Variants in CEP57L1 observed in about 807,000 individuals in gnomAD.
CEP57L1 encodes centrosomal protein 57 like 1, also known as centrosomal protein CEP57L1.
In CEP57L1, 37 loss-of-function variants were observed where a neutral mutation model predicts 61.0. The observed-to-expected ratio is 0.61, with a 90% CI of 0.47 to 0.80. The LOEUF (loss-of-function observed/expected upper bound fraction) is 0.80. Ranked by LOEUF, CEP57L1 falls within the 30% of genes least tolerant of loss-of-function variation. The probability of loss-of-function intolerance (pLI) is 0.00; values close to 1 mark genes in which losing one functional copy is unlikely to be tolerated. For synonymous variants in CEP57L1, 137 were observed against 162.3 expected, an observed-to-expected ratio of 0.84 and a Z score of 1.19; for missense variants, 422 against 524.7, an observed-to-expected ratio of 0.80 and a Z score of 1.91.
intron 4 of CEP57L1, 21 bp downstream of exon 4, chr6:109,150,260 G>T: frequency 6.3e-7 from 1 of 1,583,348 alleles, no homozygotes; most frequent in Non-Finnish European, 8.6e-7. Context: ...TTTCTATAAG[G>T]AATGATAATA....
chr6:109,107,292 TTTTC>T (rs1285197619), intron 1 of CEP57L1, among the ~76,000 whole-genome samples: 1 of 152,162 alleles, frequency 6.6e-6, no homozygotes, highest in Non-Finnish European at 1.5e-5. Flanking sequence ...CATTTCCCCT[TTTTC>T]TTTTGAGCTT....
intron 10 of CEP57L1, among the ~76,000 whole-genome samples, chr6:109,162,547 C>G (rs1156763139): frequency 1.3e-5 from 2 of 151,934 alleles, no homozygotes; most frequent in Admixed American, 1.3e-4. Context: ...AAAGTAAGAG[C>G]TTTTTTCTCA....
chr6:109,095,520 G>T lies in CEP57L1; in HGVS notation c.-59G>T. 1 of 985,874 alleles carries T rather than the reference G, an allele frequency of 1.0e-6. No homozygotes were observed. Among genetic ancestry groups the T allele is most frequent in the Non-Finnish European group, 1.2e-6 (1 of 829,946 alleles). The allele number at this position is 985,874 out of a possible 1,614,324, so 61.1% of individuals were successfully genotyped here. On this transcript the variant is annotated 5_prime_UTR_variant, in exon 1 of 11. Transcript: ENST00000517392. ...AGGGGCCACCGCGACGTTGCCTGTG[G>T]GTGCCCGCGAACCAACGGTTAGCGG...
rs1444196130 is a variant in CEP57L1, at chr6:109,173,528, A to C, written c.*10558A>C. 6.7e-6 allele frequency among the ~76,000 whole-genome samples: 1 copy of C among 148,610 alleles called. No individual in the cohort carries two copies. The highest frequency in any genetic ancestry group is 1.5e-5 in the Non-Finnish European group (1 of 67,398). ...CAACCTCAAACTCTTGGGCTTAAGC[A>C]GTCCTCCTGCCTCTGCCTCCCAAGT... On this transcript the variant is annotated 3_prime_UTR_variant, in exon 11 of 11. Transcript: ENST00000517392.
At chr6:109,095,168 C>T (rs1338528178), upstream of CEP57L1, 4 of 985,518 alleles carry the variant, frequency 4.1e-6, no homozygotes, top group Non-Finnish European at 4.8e-6. Context: ...GGGCCAAGCG[C>T]CCCCGGAGGC....
chr6:109,140,655 C>G (rs1384010285), intron 1 of CEP57L1: 1 of 151,898 alleles, frequency 6.6e-6, no homozygotes, highest in African/African-American at 2.4e-5. Context: ...GCCTCAGCCC[C>G]TCAAAGTGCT....
intron 1 of CEP57L1, among the ~76,000 whole-genome samples, chr6:109,122,034 T>G (rs1452013813): frequency 6.6e-6 from 1 of 152,224 alleles, no homozygotes; most frequent in Non-Finnish European, 1.5e-5. Context: ...TTAAAAAATG[T>G]CTAAGATAAG....
intron 1 of CEP57L1, among the ~76,000 whole-genome samples, chr6:109,131,832 C>T (rs1174174730): frequency 5.9e-5 from 9 of 151,998 alleles, no homozygotes; most frequent in Non-Finnish European, 1.0e-4. Context: ...CCTTATGGCT[C>T]AGAACCTGGG....
In CEP57L1 at chr6:109,166,688, G is replaced by T. The variant is rs1286289784; in HGVS notation, c.*3718G>T. ...ATGAGCCACTGCGCCCAGCCTAAAT[G>T]TGTATTCTTATCCATGATAAGAGAT... is the stretch of plus-strand genomic sequence containing the variant. On this transcript the variant is annotated 3_prime_UTR_variant, in exon 11 of 11. Transcript: ENST00000517392. 1.3e-5 allele frequency among the ~76,000 whole-genome samples: 2 copies of T among 151,992 alleles called. No homozygotes were observed. The highest frequency in any genetic ancestry group is 1.3e-4 in the Admixed American group (2 of 15,230).
chr6:109,159,489 T>C (rs777005808), intron 9 of CEP57L1, 27 bp downstream of exon 9: 33 of 1,590,332 alleles, frequency 2.1e-5, no homozygotes, highest in Non-Finnish European at 2.8e-5. Flanking sequence ...TTTTTTTTTT[T>C]CAAGAGACAG....
chr6:109,162,774 A>G lies in CEP57L1; in HGVS notation c.1187A>G (p.Gln396Arg). ...DSVCKLQQKV[Q>R]NSKMSEASGI... ...GTCTGTAAACTGCAGCAAAAAGTTC[A>G]AAACTCAAAGATGAGTGAAGCTTCA... The change falls in exon 11 of 11, where the codon CAA (glutamine) becomes CGA (arginine). Residue 396 changes from glutamine (Q) to arginine (R), a missense_variant. Coordinates refer to ENST00000517392, the MANE Select transcript of CEP57L1 (RefSeq NM_001271852.3). 2 of 1,613,090 alleles carry G rather than the reference A, an allele frequency of 1.2e-6. No individual in the cohort carries two copies. Among genetic ancestry groups the G allele is most frequent in the Non-Finnish European group, 1.7e-6 (2 of 1,179,432 alleles).
chr6:109,147,098 A>C (rs1772048741), intron 3 of CEP57L1, among the ~76,000 whole-genome samples, 161 bp downstream of exon 3: 1 of 152,176 alleles, frequency 6.6e-6, no homozygotes, highest in Admixed American at 6.5e-5. Context: ...TGAGAAAAAG[A>C]TACAGTTTTG....
chr6:109,143,940 C>CACTTTA (rs747004099), intron 1 of CEP57L1, among the ~76,000 whole-genome samples: 6 of 152,234 alleles, frequency 3.9e-5, no homozygotes, highest in Admixed American at 1.3e-4. Context: ...GCCTTACCTC[C>CACTTTA]ACTTTATAGT....
rs199643587 is a variant in CEP57L1 at position 109,139,308 on chromosome 6, G to GTTTA, written c.-3-5910_-3-5907dup. 7.9e-3 allele frequency among the ~76,000 whole-genome samples: 1,198 copies of GTTTA among 152,172 alleles called. 19 individuals carry two copies. The highest frequency in any genetic ancestry group is 0.028 in the African/African-American group (1,148 of 41,506). On this transcript the variant is annotated intron_variant, in intron 1 of 10. Coordinates refer to ENST00000517392, the MANE Select transcript of CEP57L1 (RefSeq NM_001271852.3). Reference sequence around the variant, plus strand: ...TTATGAATGGTTTCTGGTATTTTCAGTTTAAAAAATTTTGAGACAGAGTCT... The same window carrying GTTTA: ...TTATGAATGGTTTCTGGTATTTTCAGTTTATTTAAAAAATTTTGAGACAGAGTCT...
At chr6:109,114,164 A>T (rs967220721) in intron 1 of CEP57L1, among the ~76,000 whole-genome samples, 6 of 152,158 alleles carry the variant, frequency 3.9e-5, no homozygotes, top group African/African-American at 1.4e-4. Flanking sequence ...GTCAATTTAC[A>T]ATACCACCTA....
At chr6:109,113,932 T>G (rs1489404286) in intron 1 of CEP57L1, among the ~76,000 whole-genome samples, 1 of 152,200 alleles carries the variant, frequency 6.6e-6, no homozygotes, top group Non-Finnish European at 1.5e-5. Context: ...TTTGCCATAT[T>G]GTTAAAATCC....
At chr6:109,159,604 T>A in intron 9 of CEP57L1, 142 bp downstream of exon 9, 1 of 679,472 alleles carries the variant, frequency 1.5e-6, no homozygotes, top group Non-Finnish European at 2.5e-6. Flanking sequence ...CCACCGTGCC[T>A]GGCCAGTATT....
chr6:109,131,823 C>G (rs1457360823), intron 1 of CEP57L1, among the ~76,000 whole-genome samples: 2 of 152,004 alleles, frequency 1.3e-5, no homozygotes, highest in Non-Finnish European at 2.9e-5. Context: ...CTTCTGATAC[C>G]TTATGGCTCA....
Position 109,160,712 on chromosome 6 carries a change from A to G in CEP57L1, c.1157A>G (p.Asp386Gly). 2 of 1,588,516 alleles carry G rather than the reference A, an allele frequency of 1.3e-6. No individual in the cohort carries two copies. The highest frequency in any genetic ancestry group is 1.2e-5 in the South Asian group (1 of 85,992). Residue 386 changes from aspartate to glycine, a missense_variant, in exon 10 of 11, where the codon GAC becomes GGC. Transcript: ENST00000517392. Reference protein sequence around the residue: ...EQISKLKKHQDSVCKLQQKVQ... With the variant: ...EQISKLKKHQGSVCKLQQKVQ... ...ATCTCCAAACTGAAGAAGCATCAAG[A>G]CAGTGTAAGAAGGCTTTAGTAAGAG...
Sources: gnomAD v4.1 joint callset for allele counts (sites outside exome capture counted in the v4.1 genomes callset) on GRCh38, gnomAD v4.1.1 for gene constraint, MANE v1.5 for transcripts, NCBI Gene and HGNC (gene_info 2026-07-23, HGNC 2026-07-21) for gene names.